IMMP2L: variants seen among roughly 807,000 people sequenced by gnomAD.
IMMP2L encodes mitochondrial inner membrane protease subunit 2.
Under a neutral mutation model 19.3 loss-of-function variants are expected in IMMP2L, and 18 were observed. That is an observed-to-expected ratio of 0.93 (90% CI 0.64 to 1.38). The LOEUF (loss-of-function observed/expected upper bound fraction) is 1.38. Among genes scored for constraint, IMMP2L ranks in the 40% most tolerant of loss-of-function variants. The probability of loss-of-function intolerance (pLI) is 0.00; values close to 1 mark genes in which losing one functional copy is unlikely to be tolerated. For synonymous variants in IMMP2L, 76 were observed against 73.0 expected (o/e 1.04, Z -0.21); for missense variants, 233 against 218.2 (o/e 1.07, Z -0.43).
chr7:110,981,652 A>T (rs2129558141), intron 3 of IMMP2L, among the ~76,000 whole-genome samples: 1 of 152,240 alleles, frequency 6.6e-6, no homozygotes, highest in South Asian at 2.1e-4. Flanking sequence ...TCAAAAATGT[A>T]TTCATTAGAG....
At chr7:110,685,421 T>C (rs1195920187) in intron 5 of IMMP2L, among the ~76,000 whole-genome samples, 4 of 152,208 alleles carry the variant, frequency 2.6e-5, no homozygotes, top group African/African-American at 4.8e-5. Context: ...TACTAACTGC[T>C]ATGGCAGCCC....
chr7:111,350,130 G>A (rs148804062), intron 3 of IMMP2L, among the ~76,000 whole-genome samples: 1,603 of 151,774 alleles, frequency 0.011, 29 homozygotes, highest in African/African-American at 0.035. Flanking sequence ...ACCATGCCAG[G>A]CTAATTTTTG....
chr7:111,094,780 G>A (rs185939283), intron 3 of IMMP2L, among the ~76,000 whole-genome samples: 2 of 152,184 alleles, frequency 1.3e-5, no homozygotes, highest in East Asian at 1.9e-4. Flanking sequence ...TATTTCTTTA[G>A]CCACAATGTG....
At chr7:111,066,624 A>G (rs983364900) in intron 3 of IMMP2L, among the ~76,000 whole-genome samples, 1 of 152,174 alleles carries the variant, frequency 6.6e-6, no homozygotes, top group African/African-American at 2.4e-5. Context: ...TAACTTTTGC[A>G]ACTCCAGATC....
intron 3 of IMMP2L, among the ~76,000 whole-genome samples, chr7:111,274,725 T>C (rs1818834353): frequency 6.6e-6 from 1 of 152,180 alleles, no homozygotes; most frequent in African/African-American, 2.4e-5. Flanking sequence ...TGTGGTTGTT[T>C]TCTGAACAAC....
chr7:111,327,923 C>A lies in IMMP2L; in HGVS notation c.239+159315G>T, dbSNP rs574466382. Among the ~76,000 whole-genome samples the A allele has an allele frequency of 4.7e-4, 71 of 151,688 alleles. 1 individual carries two copies. The South Asian group carries it at 0.014, about 31-fold the overall frequency. ...GGGTTTTAACTACATACCTGAATCA[C>A]CTGTTTGGAAAATAGGTACGTATAG... On this transcript the variant is annotated intron_variant, in intron 3 of 5. Transcript: ENST00000405709.
intron 5 of IMMP2L, among the ~76,000 whole-genome samples, chr7:110,852,424 C>T (rs1297075398): frequency 6.6e-6 from 1 of 151,978 alleles, no homozygotes; most frequent in African/African-American, 2.4e-5. Flanking sequence ...CCTTGCAGGG[C>T]AACATGATGG....
At chr7:111,556,008 C>CTGTGTGTG (rs149893305) in intron 1 of IMMP2L, among the ~76,000 whole-genome samples, 1 of 17,172 alleles carries the variant, frequency 5.8e-5, no homozygotes, top group Non-Finnish European at 1.8e-4. Context: ...CATCCCTCTT[C>CTGTGTGTG]TGTGTGCATG....
chr7:111,145,623 G>C (rs11766513), intron 3 of IMMP2L, among the ~76,000 whole-genome samples: 32,402 of 151,968 alleles, frequency 0.21, 4,418 homozygotes, highest in East Asian at 0.52. Flanking sequence ...CCTAGATGAG[G>C]CATTAGGTGA....
chr7:110,773,229 C>T (rs572523631), intron 5 of IMMP2L, among the ~76,000 whole-genome samples: 1 of 151,976 alleles, frequency 6.6e-6, no homozygotes, highest in Non-Finnish European at 1.5e-5. Flanking sequence ...AAATGTTGAA[C>T]CTTTCGATGT....
chr7:111,143,585 T>G (rs1319420854), intron 3 of IMMP2L, among the ~76,000 whole-genome samples: 1 of 152,184 alleles, frequency 6.6e-6, no homozygotes, highest in African/African-American at 2.4e-5. Flanking sequence ...TTTCCTTTGC[T>G]TATAAATTCC....
intron 3 of IMMP2L, among the ~76,000 whole-genome samples, chr7:111,117,660 A>T (rs2129586271): frequency 6.6e-6 from 1 of 152,208 alleles, no homozygotes; most frequent in African/African-American, 2.4e-5. Flanking sequence ...GGGATATGGA[A>T]CCTTCAATTA....
intron 3 of IMMP2L, among the ~76,000 whole-genome samples, chr7:110,984,174 C>A (rs1035278912): frequency 3.3e-5 from 5 of 151,700 alleles, no homozygotes; most frequent in Non-Finnish European, 7.4e-5. Flanking sequence ...TATACTCTGA[C>A]ACAATGAAAT....
intron 3 of IMMP2L, among the ~76,000 whole-genome samples, chr7:111,077,258 T>G (rs1173141704): frequency 6.6e-6 from 1 of 152,218 alleles, no homozygotes; most frequent in African/African-American, 2.4e-5. Context: ...TTTTGTTTGG[T>G]TGGTTTTTTT....
Position 110,885,263 on chromosome 7 carries a change from A to T in IMMP2L, c.408+1330T>A, listed in dbSNP as rs567814014. Among the ~76,000 whole-genome samples the T allele has an allele frequency of 2.0e-5, 3 of 152,042 alleles. No homozygotes were observed. In the East Asian group the frequency reaches 5.8e-4, roughly 29 times the overall value. ...ATTTGAAATCCAAAATACTCCAATG[A>T]ACATTTCCTTTGAGCATCATATTGG... On this transcript the variant is annotated intron_variant, in intron 5 of 5. Transcript: ENST00000405709.
chr7:110,670,186 C>T (rs1791793581), intron 5 of IMMP2L, among the ~76,000 whole-genome samples: 1 of 152,046 alleles, frequency 6.6e-6, no homozygotes, highest in Admixed American at 6.5e-5. Context: ...AGCACATGTG[C>T]ACACAGAGAA....
intron 5 of IMMP2L, among the ~76,000 whole-genome samples, chr7:110,687,001 T>A (rs1320443208): frequency 6.6e-6 from 1 of 152,092 alleles, no homozygotes; most frequent in African/African-American, 2.4e-5. Context: ...TTTTTCTTTC[T>A]TCTCTCTTGA....
intron 3 of IMMP2L, among the ~76,000 whole-genome samples, chr7:111,370,804 A>G (rs1830195981): frequency 6.6e-6 from 1 of 151,956 alleles, no homozygotes; most frequent in African/African-American, 2.4e-5. Flanking sequence ...CTTAAGAACT[A>G]TGATACAACC....
chr7:111,483,346 A>C (rs1375347807), intron 3 of IMMP2L: 1 of 152,148 alleles, frequency 6.6e-6, no homozygotes, highest in East Asian at 1.9e-4. Flanking sequence ...AGGCCATCAC[A>C]CAGGTTAACG....
Sources: gnomAD v4.1 joint callset for allele counts (sites outside exome capture counted in the v4.1 genomes callset) on GRCh38, gnomAD v4.1.1 for gene constraint, MANE v1.5 for transcripts, NCBI Gene and HGNC (gene_info 2026-07-23, HGNC 2026-07-21) for gene names.